Variants in BPIFB6 observed in about 807,000 individuals in gnomAD.
BPIFB6 encodes BPI fold containing family B member 6.
A neutral mutation model predicts 54.7 loss-of-function variants in BPIFB6; 47 were observed. The ratio of observed to expected loss-of-function variants is 0.86; its 90% CI spans 0.68 to 1.10. The LOEUF is 1.10. BPIFB6 is among the 50% of genes least tolerant of loss of function. The probability of loss-of-function intolerance (pLI) is 0.00; values close to 1 mark genes in which losing one functional copy is unlikely to be tolerated. For missense variants in BPIFB6, 603 were observed against 564.1 expected (o/e 1.07, Z -0.70); for synonymous variants, 255 against 225.9 (o/e 1.13, Z -1.16).
At chr20:33,033,619 T>A (rs1247677873) in intron 2 of BPIFB6, 1 of 456,824 alleles carries the variant, frequency 2.2e-6, no homozygotes, top group East Asian at 6.9e-5. Context: ...TGGGGGTATG[T>A]GTGCCACATC....
Position 33,035,104 on chromosome 20 carries a change from A to G in BPIFB6, c.476A>G (p.Lys159Arg). The G allele has an allele frequency of 6.2e-7, 1 of 1,613,892 alleles. No individual in the cohort carries two copies. Among genetic ancestry groups the G allele is most frequent in the Non-Finnish European group, 8.5e-7 (1 of 1,179,990 alleles). ...AGCATGCTCCCCAAGATGGTCAACA[A>G]GTTCCTGGACAGCACCCTGCACAAA... The part of the protein sequence containing the change: ...PSNMLPKMVN[K>R]FLDSTLHKVL... The change falls in exon 5 of 15, where the codon AAG (lysine) becomes AGG (arginine). Residue 159 changes from lysine (K) to arginine (R), a missense_variant. Lys to Arg is a conservative substitution (Grantham distance 26, BLOSUM62 2). Transcript: ENST00000349552.
At chr20:33,043,543 G>T (rs1429517862) in intron 14 of BPIFB6, among the ~76,000 whole-genome samples, 176 bp downstream of exon 14, 2 of 152,138 alleles carry the variant, frequency 1.3e-5, no homozygotes, top group Admixed American at 1.3e-4. Flanking sequence ...TCCATAGAAG[G>T]ATACTTGGAC....
intron 13 of BPIFB6, 99 bp downstream of exon 13, chr20:33,042,977 G>C: frequency 9.3e-7 from 1 of 1,077,630 alleles, no homozygotes; most frequent in East Asian, 2.4e-5. Flanking sequence ...ACTGGGCCCA[G>C]ATGGGGGAAG....
chr20:33,034,721 A>C lies in BPIFB6; in HGVS notation c.303-42A>C, dbSNP rs763024262. On this transcript the variant is annotated intron_variant, in intron 3 of 14. Coordinates refer to ENST00000349552, the MANE Select transcript of BPIFB6 (RefSeq NM_174897.2). ...AGAGAAGGCAGGGAGAGCGGACACC[A>C]TGGCAGAGATGCCCATGGTGCCCTC... 3 of 1,567,242 alleles carry C rather than the reference A, an allele frequency of 1.9e-6. No individual in the cohort carries two copies. The African/African-American group carries it at 4.1e-5, about 21-fold the overall frequency.
chr20:33,042,383 G>A (rs558020333), intron 12 of BPIFB6, among the ~76,000 whole-genome samples: 6 of 152,286 alleles, frequency 3.9e-5, no homozygotes, highest in Admixed American at 6.5e-5. Context: ...CTTACTCTGC[G>A]ATCATGTGCT....
chr20:33,033,333 G>T (rs955710946), intron 2 of BPIFB6: 1 of 588,650 alleles, frequency 1.7e-6, no homozygotes. Flanking sequence ...AGGAAATGAG[G>T]TTGGAAAGTC....
intron 1 of BPIFB6, among the ~76,000 whole-genome samples, chr20:33,032,462 T>G (rs1979145236): frequency 6.6e-6 from 1 of 152,158 alleles, no homozygotes; most frequent in Non-Finnish European, 1.5e-5. Context: ...AGGAGTCCCC[T>G]AATCACCTAG....
intron 6 of BPIFB6, 23 bp from the exon 7 acceptor site, chr20:33,036,422 A>G: frequency 6.3e-7 from 1 of 1,594,982 alleles, no homozygotes; most frequent in South Asian, 1.1e-5. Context: ...TGCCTCTTTG[A>G]GTGGAACCTC....
rs867074530 is a variant in BPIFB6 at position 33,032,741 on chromosome 20, C to A, written c.98-243C>A. 2.6e-5 allele frequency among the ~76,000 whole-genome samples: 4 copies of A among 152,314 alleles called. No homozygotes were observed. The South Asian group carries it at 6.2e-4, about 24-fold the overall frequency. ...CTTTCAAGTACCAACTGATCTGTCACCTCCTCCTGGAAGCCTTCCCCAGCT... is the reference window on the plus strand; with the variant it reads ...CTTTCAAGTACCAACTGATCTGTCAACTCCTCCTGGAAGCCTTCCCCAGCT... On this transcript the variant is annotated intron_variant, in intron 1 of 14. Coordinates refer to ENST00000349552, the MANE Select transcript of BPIFB6 (RefSeq NM_174897.2).
At chr20:33,033,336 G>A (rs1175278866) in intron 2 of BPIFB6, 1 of 582,152 alleles carries the variant, frequency 1.7e-6, no homozygotes, top group Non-Finnish European at 3.3e-6. Context: ...AAATGAGGTT[G>A]GAAAGTCAAA....
Position 33,043,310 on chromosome 20 carries a change from C to T in BPIFB6, c.1272C>T (p.Leu424=), listed in dbSNP as rs1283657994. Residue 424 remains leucine, a synonymous_variant, in exon 14 of 15, where the codon CTC becomes CTT. Transcript: ENST00000349552. ...PVVNDVLQVG[L]PLPDFLAMNY... is the part of the protein sequence containing the mutation. ...TCTCAGATGTGCTTCAAGTGGGGCT[C>T]CCACTCCCGGACTTTCTGGCCATGA... 5.0e-6 allele frequency: 8 copies of T among 1,614,036 alleles called. No homozygotes were observed. Among genetic ancestry groups the T allele is most frequent in the African/African-American group, 4.0e-5 (3 of 74,900 alleles).
At position 33,031,716 on chromosome 20, in the gene BPIFB6, G is replaced by A. The variant is rs770600762; in HGVS notation, c.69G>A (p.Leu23=). The change falls in exon 1 of 15, where the codon CTG becomes CTA. Residue 23 remains leucine (L), a synonymous_variant. Transcript: ENST00000349552. ...GCACGCGAGCTGACCCTGGGGCACT[G>A]CTGCGGTTGGGCATGGACATCATGA... ...LTGTRADPGA[L]LRLGMDIMNQ... The A allele has an allele frequency of 6.2e-7, 1 of 1,614,126 alleles. No individual in the cohort carries two copies. The highest frequency in any genetic ancestry group is 1.1e-5 in the South Asian group (1 of 91,082).
rs906558499 is a variant in BPIFB6 at position 33,037,707 on chromosome 20, A to G, written c.815A>G (p.Lys272Arg). The stretch of plus-strand genomic sequence containing the variant: ...TCTGCAGAGCTTGCCCTTCTGCAGA[A>G]GTCCTTTCATGTGAATATCCAGGAT... ...FLSAELALLQ[K>R]SFHVNIQDTM... The change falls in exon 8 of 15, where the codon AAG becomes AGG. Residue 272 changes from lysine (K) to arginine (R), a missense_variant. Lys to Arg is a conservative substitution (Grantham distance 26). Coordinates refer to ENST00000349552, the MANE Select transcript of BPIFB6 (RefSeq NM_174897.2). The G allele has an allele frequency of 2.8e-5, 45 of 1,614,070 alleles. No individual in the cohort carries two copies. Among genetic ancestry groups the G allele is most frequent in the Non-Finnish European group, 3.6e-5 (43 of 1,180,026 alleles).
At chr20:33,032,846 G>T in intron 1 of BPIFB6, 138 bp from the exon 2 acceptor site, 1 of 644,842 alleles carries the variant, frequency 1.6e-6, no homozygotes, top group African/African-American at 1.8e-5. Context: ...TCCCCCATTA[G>T]GCTGGGGCGC....
At position 33,035,627 on chromosome 20, in the gene BPIFB6, G is replaced by A. The variant is rs774741947; in HGVS notation, c.532G>A (p.Asp178Asn). The part of the protein sequence containing the change: ...VLPGLMCPAI[D>N]AVLVYVNRKW... Reference sequence around the variant, plus strand: ...CTGCTTCCAGATGTGTCCCGCCATCGATGCAGTCCTGGTGTATGTGAACAG... The same window carrying A: ...CTGCTTCCAGATGTGTCCCGCCATCAATGCAGTCCTGGTGTATGTGAACAG... The change falls in exon 6 of 15, where the codon GAT becomes AAT. Residue 178 changes from aspartate to asparagine, a missense_variant. Transcript: ENST00000349552. The A allele has an allele frequency of 5.0e-6, 8 of 1,614,046 alleles. No individual in the cohort carries two copies. The highest frequency in any genetic ancestry group is 4.5e-5 in the East Asian group (2 of 44,894).
rs1321825873 is a variant in BPIFB6 at position 33,040,117 on chromosome 20, G to A, written c.1075-134G>A. The A allele has an allele frequency of 3.8e-6, 3 of 788,402 alleles. No homozygotes were observed. In the African/African-American group the frequency reaches 5.1e-5, roughly 13 times the overall value. The allele number at this position is 788,402 out of a possible 1,614,324, so 48.8% of individuals were successfully genotyped here. A position where few individuals can be genotyped will look rare whatever the true frequency, so the allele number is the denominator to read the frequency against. ...GAGATGGCTGGGTTCAGTTCCTGAG[G>A]ATGGGCAGAGAGAAGATCCCCTGCT... On this transcript the variant is annotated intron_variant, in intron 10 of 14. Coordinates refer to ENST00000349552, the MANE Select transcript of BPIFB6 (RefSeq NM_174897.2).
intron 3 of BPIFB6, 107 bp from the exon 4 acceptor site, chr20:33,034,656 C>T: frequency 1.5e-6 from 2 of 1,321,116 alleles, no homozygotes; most frequent in Admixed American, 2.2e-5. Flanking sequence ...GGGGTGGTCT[C>T]CTACCCTTTC....
intron 13 of BPIFB6, 143 bp from the exon 14 acceptor site, chr20:33,043,148 G>C: frequency 1.3e-6 from 1 of 792,228 alleles, no homozygotes; most frequent in Non-Finnish European, 2.1e-6. Flanking sequence ...TTGCAAATCA[G>C]GCTTATTAGC....
In BPIFB6 at chr20:33,031,695, G is replaced by C; in HGVS notation, c.48G>C (p.Thr16=). 6.2e-7 allele frequency: 1 copy of C among 1,614,108 alleles called. No individual in the cohort carries two copies. The highest frequency in any genetic ancestry group is 1.7e-4 in the Middle Eastern group (1 of 6,058). ...CACTCTGCAGCCTGCTGACTGGCAC[G>C]CGAGCTGACCCTGGGGCACTGCTGC... is the stretch of plus-strand genomic sequence containing the variant. ...CLALCSLLTG[T]RADPGALLRL... is the part of the protein sequence containing the mutation. Residue 16 remains threonine (T), a synonymous_variant, in exon 1 of 15, where the codon ACG becomes ACC. Coordinates refer to ENST00000349552, the MANE Select transcript of BPIFB6 (RefSeq NM_174897.2).
Sources: allele counts gnomAD v4.1 joint callset (sites outside exome capture counted in the v4.1 genomes callset), GRCh38; gene constraint gnomAD v4.1.1; transcripts MANE v1.5; gene names NCBI Gene and HGNC (gene_info 2026-07-23, HGNC 2026-07-21).